Variants in GSE1 observed in about 807,000 individuals in gnomAD.
GSE1 encodes the protein genetic suppressor element 1.
Under a neutral mutation model 112.6 loss-of-function variants are expected in GSE1, and 32 were observed. The ratio of observed to expected loss-of-function variants is 0.28; its 90% confidence interval spans 0.21 to 0.38. The LOEUF (loss-of-function observed/expected upper bound fraction) is 0.38, where lower values mean the gene tolerates loss of function less well. Ranked by LOEUF, GSE1 falls within the 10% of genes least tolerant of loss-of-function variation. The probability of loss-of-function intolerance (pLI) is 1.00; values close to 1 mark genes in which losing one functional copy is unlikely to be tolerated. For synonymous variants in GSE1, 1,115 were observed against 735.6 expected (o/e 1.52, Z -8.35); for missense variants, 2,348 against 1,699.2 (o/e 1.38, Z -6.71).
intron 1 of GSE1, among the ~76,000 whole-genome samples, chr16:85,580,843 A>G (rs570965998): frequency 6.6e-6 from 1 of 152,400 alleles, no homozygotes; most frequent in African/African-American, 2.4e-5. Context: ...GCCGTCTGCA[A>G]TCCAAGCAGG....
intron 2 of GSE1, among the ~76,000 whole-genome samples, chr16:85,535,523 C>T (rs2044295164): frequency 6.6e-6 from 1 of 152,218 alleles, no homozygotes; most frequent in South Asian, 2.1e-4. Context: ...TAAAGGTTGG[C>T]CTCCTTATCT....
chr16:85,506,562 G>A (rs566569226), intron 2 of GSE1, among the ~76,000 whole-genome samples: 1 of 152,108 alleles, frequency 6.6e-6, no homozygotes, highest in Non-Finnish European at 1.5e-5. Context: ...TGCAGAAGGC[G>A]TGTTTTGAGG....
At chr16:85,626,887 G>A (rs1277433181) in intron 1 of GSE1, among the ~76,000 whole-genome samples, 1 of 151,848 alleles carries the variant, frequency 6.6e-6, no homozygotes. Context: ...CTCCCCCCTC[G>A]TTTAAATCCT....
intron 2 of GSE1, among the ~76,000 whole-genome samples, chr16:85,367,867 G>A (rs544896612): frequency 5.8e-5 from 4 of 69,082 alleles, no homozygotes; most frequent in Non-Finnish European, 8.4e-5. Flanking sequence ...TTTTTTTTCC[G>A]AGATGGAGTT....
chr16:85,316,307 T>C (rs1296051740), intron 1 of GSE1, among the ~76,000 whole-genome samples: 1 of 152,232 alleles, frequency 6.6e-6, no homozygotes, highest in Non-Finnish European at 1.5e-5. Context: ...TATGTTGAAT[T>C]GTCAGAGAGC....
chr16:85,498,043 G>A (rs1171229031), intron 2 of GSE1, among the ~76,000 whole-genome samples: 2 of 152,068 alleles, frequency 1.3e-5, no homozygotes, highest in Admixed American at 6.5e-5. Flanking sequence ...CCACACCTCA[G>A]TGGGGTGGGG....
chr16:85,240,295 C>T (rs1440913392), intron 1 of GSE1, among the ~76,000 whole-genome samples: 2 of 152,136 alleles, frequency 1.3e-5, no homozygotes, highest in Non-Finnish European at 2.9e-5. Context: ...GCTGGAATCC[C>T]ACACCTTCCC....
At chr16:85,384,545 G>A (rs1405651738) in intron 2 of GSE1, among the ~76,000 whole-genome samples, 3 of 152,180 alleles carry the variant, frequency 2.0e-5, no homozygotes. Context: ...GTGCCGACTG[G>A]CATCATGAGG....
chr16:85,494,250 C>T (rs372013040), intron 2 of GSE1, among the ~76,000 whole-genome samples: 8 of 152,192 alleles, frequency 5.3e-5, no homozygotes, highest in Non-Finnish European at 8.8e-5. Flanking sequence ...AGTTTCCCTG[C>T]GCCTCCCAAC....
intron 2 of GSE1, among the ~76,000 whole-genome samples, chr16:85,396,529 C>T (rs1240977843): frequency 6.6e-6 from 1 of 152,264 alleles, no homozygotes; most frequent in East Asian, 1.9e-4. Context: ...CTGCCAACAC[C>T]TTCCACTGCC....
chr16:85,553,381 G>T (rs548200835), upstream of GSE1, among the ~76,000 whole-genome samples: 2 of 151,598 alleles, frequency 1.3e-5, no homozygotes, highest in African/African-American at 4.8e-5. Flanking sequence ...GGCCGCCGGC[G>T]CCGAGGGCCT....
chr16:85,308,856 A>G (rs757268381), intron 1 of GSE1, among the ~76,000 whole-genome samples: 2 of 147,984 alleles, frequency 1.4e-5, no homozygotes, highest in Non-Finnish European at 3.0e-5. Context: ...CACAGGAGAA[A>G]TTCCTCCCAG....
upstream of GSE1, among the ~76,000 whole-genome samples, chr16:85,552,071 G>C (rs1358182221): frequency 6.6e-6 from 1 of 151,962 alleles, no homozygotes; most frequent in Non-Finnish European, 1.5e-5. Flanking sequence ...TGTCGCCCAG[G>C]CTGGAGTGCA....
chr16:85,341,753 G>C (rs931408488), intron 1 of GSE1, among the ~76,000 whole-genome samples: 1 of 152,088 alleles, frequency 6.6e-6, no homozygotes, highest in Non-Finnish European at 1.5e-5. Context: ...TCCTGCCCTG[G>C]CCCCCCAAAA....
intron 1 of GSE1, among the ~76,000 whole-genome samples, chr16:85,228,174 C>T (rs1462966374): frequency 6.6e-6 from 1 of 152,216 alleles, no homozygotes; most frequent in Non-Finnish European, 1.5e-5. Flanking sequence ...AGTCCCGGCC[C>T]CCGCCGGAGG....
At chr16:85,575,464 CCGGCTTCCCTCT>C (rs1428484807) in intron 1 of GSE1, among the ~76,000 whole-genome samples, 1 of 151,972 alleles carries the variant, frequency 6.6e-6, no homozygotes, top group East Asian at 1.9e-4. Flanking sequence ...CCTGTGGGGA[CCGGCTTCCCTCT>C]CGTCTCCCCT....
intron 2 of GSE1, among the ~76,000 whole-genome samples, chr16:85,404,226 C>A (rs1254595095): frequency 6.2e-5 from 6 of 96,396 alleles, no homozygotes; most frequent in Admixed American, 1.8e-4. Context: ...CCGTTACACT[C>A]AGGGCCCCCC....
intron 2 of GSE1, among the ~76,000 whole-genome samples, chr16:85,523,059 G>A (rs563302403): frequency 8.6e-5 from 13 of 151,964 alleles, no homozygotes; most frequent in Admixed American, 3.9e-4. Context: ...GTGTGGCTAT[G>A]TGTGCATGTG....
intron 2 of GSE1, among the ~76,000 whole-genome samples, chr16:85,465,359 C>T (rs1230514913): frequency 3.3e-5 from 5 of 152,184 alleles, no homozygotes; most frequent in Non-Finnish European, 7.4e-5. Context: ...GTAATAGAAC[C>T]ATGAACAGCG....
Sources: allele counts gnomAD v4.1 joint callset (sites outside exome capture counted in the v4.1 genomes callset), GRCh38; gene constraint gnomAD v4.1.1; transcripts MANE v1.5; gene names NCBI Gene and HGNC (gene_info 2026-07-23, HGNC 2026-07-21).